Variants in RARB observed in about 807,000 individuals in gnomAD.
RARB encodes the protein retinoic acid receptor beta.
RARB carries 17 observed loss-of-function variants against 51.9 expected under a neutral mutation model. The observed-to-expected ratio is 0.33, with a 90% CI of 0.22 to 0.49. The LOEUF (loss-of-function observed/expected upper bound fraction) is 0.49. Ranked by LOEUF, RARB falls within the 20% of genes least tolerant of loss-of-function variation. The pLI is 0.99. For synonymous variants in RARB, 215 were observed against 195.4 expected (o/e 1.10, Z -0.84); for missense variants, 369 against 550.8 (o/e 0.67, Z 3.30).
intron 3 of RARB, among the ~76,000 whole-genome samples, chr3:25,107,569 T>C (rs575912519): frequency 1.7e-3 from 260 of 152,306 alleles, no homozygotes; most frequent in African/African-American, 5.6e-3. Context: ...ACGAGTGATA[T>C]ATTTCAAGAC....
chr3:25,077,300 T>C (rs974962788), intron 3 of RARB, among the ~76,000 whole-genome samples: 2 of 152,202 alleles, frequency 1.3e-5, no homozygotes, highest in African/African-American at 2.4e-5. Flanking sequence ...ATGTGTGCAA[T>C]GTCTGTATCA....
intron 1 of RARB, 119 bp from the exon 2 acceptor site, chr3:25,461,074 C>T (rs1695155385): frequency 8.5e-7 from 1 of 1,173,802 alleles, no homozygotes. Flanking sequence ...TTTATGAGCC[C>T]ATTCTTGCTA....
rs541610990 is a variant in RARB at position 25,495,751 on chromosome 3, C to T, written c.307-5431C>T. On this transcript the variant is annotated intron_variant, in intron 2 of 7. Transcript: ENST00000330688. ...CTTTCTGATCTCAGTAATTGGTGTT[C>T]ATTGTGTTACCGGCTTAACTATCAT... Among the ~76,000 whole-genome samples, 22 of 152,286 alleles carry T rather than the reference C, an allele frequency of 1.4e-4. No homozygotes were observed. The South Asian group carries it at 3.9e-3, about 27-fold the overall frequency.
chr3:24,977,511 C>G (rs1161582475), intron 2 of RARB, among the ~76,000 whole-genome samples: 1 of 152,074 alleles, frequency 6.6e-6, no homozygotes. Flanking sequence ...GTATTTTATT[C>G]TCTTTGTAGC....
intron 3 of RARB, among the ~76,000 whole-genome samples, chr3:25,557,749 CGT>C (rs760771269): frequency 6.6e-6 from 1 of 152,112 alleles, no homozygotes; most frequent in Non-Finnish European, 1.5e-5. Context: ...AACAGTGACT[CGT>C]CTAAACAGCA....
intron 4 of RARB, among the ~76,000 whole-genome samples, chr3:25,171,419 C>T (rs555589123): frequency 7.9e-5 from 10 of 126,752 alleles, no homozygotes; most frequent in Non-Finnish European, 1.6e-4. Context: ...AACCTAATGT[C>T]GGGATTTTCT....
At chr3:24,880,042 C>A (rs1263359491) in intron 2 of RARB, among the ~76,000 whole-genome samples, 1 of 152,020 alleles carries the variant, frequency 6.6e-6, no homozygotes, top group African/African-American at 2.4e-5. Context: ...CTCCCCTTAG[C>A]TCTACGTTCC....
chr3:25,275,795 G>T (rs559264499), intron 5 of RARB, among the ~76,000 whole-genome samples: 1 of 131,124 alleles, frequency 7.6e-6, no homozygotes, highest in African/African-American at 2.8e-5. Flanking sequence ...GAGGGGGGAG[G>T]GATAGCATTA....
intron 1 of RARB, among the ~76,000 whole-genome samples, chr3:24,858,358 C>T (rs1403824595): frequency 2.6e-5 from 4 of 152,098 alleles, no homozygotes; most frequent in Admixed American, 2.6e-4. Context: ...CGATTGCCAC[C>T]TGTGTGAATT....
At chr3:25,363,873 C>A (rs1038251449) in intron 5 of RARB, among the ~76,000 whole-genome samples, 4 of 152,200 alleles carry the variant, frequency 2.6e-5, no homozygotes, top group Admixed American at 6.5e-5. Context: ...GCCGCCTTTG[C>A]TGTTCCTCTT....
At chr3:25,449,096 G>A (rs1709077411) in intron 1 of RARB, among the ~76,000 whole-genome samples, 2 of 152,104 alleles carry the variant, frequency 1.3e-5, no homozygotes, top group South Asian at 4.1e-4. Context: ...TGGGGGCTCA[G>A]AGTCCTCTCC....
intron 3 of RARB, among the ~76,000 whole-genome samples, chr3:25,099,615 TAAA>T (rs10540610): frequency 0.01 from 1,465 of 142,452 alleles, 18 homozygotes; most frequent in African/African-American, 0.023. Flanking sequence ...TTTCAGGATT[TAAA>T]AAAAAAAAAA....
intron 5 of RARB, among the ~76,000 whole-genome samples, chr3:25,351,785 GC>G (rs1705578620): frequency 6.6e-6 from 1 of 152,014 alleles, no homozygotes. Flanking sequence ...CTGAAGTATG[GC>G]TACTCTACTC....
intron 5 of RARB, among the ~76,000 whole-genome samples, chr3:25,331,902 T>C (rs890825804): frequency 3.3e-5 from 5 of 152,118 alleles, no homozygotes; most frequent in African/African-American, 4.8e-5. Context: ...AACACCTCTA[T>C]GCAAATAAAC....
intron 3 of RARB, among the ~76,000 whole-genome samples, chr3:25,106,800 C>T (rs1699514315): frequency 6.6e-6 from 1 of 152,022 alleles, no homozygotes; most frequent in South Asian, 2.1e-4. Flanking sequence ...TTGAAAAGAA[C>T]AATTATACTG....
chr3:25,216,342 T>A (rs189657804), intron 5 of RARB, among the ~76,000 whole-genome samples: 1 of 152,284 alleles, frequency 6.6e-6, no homozygotes, highest in Non-Finnish European at 1.5e-5. Flanking sequence ...TTTAAAAAAA[T>A]ATTTATTGAT....
chr3:25,277,854 C>A (rs1168795415), intron 5 of RARB, among the ~76,000 whole-genome samples: 1 of 152,142 alleles, frequency 6.6e-6, no homozygotes, highest in Non-Finnish European at 1.5e-5. Context: ...ATGTCTTGTA[C>A]CTCAGAAGAC....
intron 1 of RARB, among the ~76,000 whole-genome samples, chr3:25,458,972 C>T (rs939796300): frequency 2.6e-5 from 4 of 152,220 alleles, no homozygotes; most frequent in African/African-American, 9.6e-5. Flanking sequence ...TATTGATTAT[C>T]TGCCATGTGC....
At chr3:24,831,100 A>C (rs1183752039) in intron 1 of RARB, among the ~76,000 whole-genome samples, 1 of 152,218 alleles carries the variant, frequency 6.6e-6, no homozygotes, top group Non-Finnish European at 1.5e-5. Flanking sequence ...TGACAGTCAG[A>C]AAGAAGTAAA....
Sources: allele counts gnomAD v4.1 joint callset (sites outside exome capture counted in the v4.1 genomes callset), GRCh38; gene constraint gnomAD v4.1.1; transcripts MANE v1.5; gene names NCBI Gene and HGNC (gene_info 2026-07-23, HGNC 2026-07-21).